The following SLC66A2 variants were observed in gnomAD, a reference collection of about 807,000 sequenced individuals.
SLC66A2 encodes the protein PQ loop repeat containing 1.
SLC66A2 carries 23 observed loss-of-function variants against 25.5 expected under a neutral mutation model. The observed-to-expected ratio is 0.90, with a 90% CI of 0.65 to 1.28. The LOEUF is 1.28. SLC66A2 is among the 50% of genes most tolerant of loss of function. The pLI, the probability that SLC66A2 is intolerant of heterozygous loss-of-function variation, is 0.00. For synonymous variants in SLC66A2, 193 were observed against 166.5 expected (o/e 1.16, Z -1.23); for missense variants, 396 against 373.1 (o/e 1.06, Z -0.51).
At chr18:79,930,032 A>G (rs1986401532) in intron 4 of SLC66A2, among the ~76,000 whole-genome samples, 1 of 152,158 alleles carries the variant, frequency 6.6e-6, no homozygotes, top group Non-Finnish European at 1.5e-5. Flanking sequence ...AGCAGAAAAA[A>G]AAATTCAAGG....
chr18:79,938,699 T>C (rs185004483), intron 3 of SLC66A2, among the ~76,000 whole-genome samples: 8 of 152,314 alleles, frequency 5.3e-5, no homozygotes, highest in African/African-American at 1.7e-4. Flanking sequence ...TTTTTTAAGA[T>C]GGAGTCTCAC....
At chr18:79,924,346 A>C (rs1433373579) in intron 4 of SLC66A2, among the ~76,000 whole-genome samples, 1 of 152,198 alleles carries the variant, frequency 6.6e-6, no homozygotes, top group African/African-American at 2.4e-5. Context: ...ACCACACACT[A>C]ATGAGTCTGT....
At position 79,904,407 on chromosome 18, in the gene SLC66A2, C is replaced by T. The variant is rs1156799184; in HGVS notation, c.609-224G>A. Among the ~76,000 whole-genome samples the T allele has an allele frequency of 6.6e-6, 1 of 151,878 alleles. No homozygotes were observed. Among genetic ancestry groups the T allele is most frequent in the Non-Finnish European group, 1.5e-5 (1 of 67,886 alleles). ...GGGTGACCCAGGGGTCAGGGACACC[C>T]CAGGGGGCCAAAGGACACACCCTGA... On this transcript the variant is annotated intron_variant, in intron 5 of 5. Transcript: ENST00000397778. This position sits in a 1 kb window ranked among gnomAD's most constrained non-coding sequence, Gnocchi z 6.3.
intron 4 of SLC66A2, among the ~76,000 whole-genome samples, chr18:79,929,207 C>A (rs1322297341): frequency 2.6e-5 from 4 of 152,204 alleles, no homozygotes; most frequent in African/African-American, 9.7e-5. Flanking sequence ...AGAACCACCA[C>A]CAAACACTGG....
chr18:79,933,984 T>C lies in SLC66A2; in HGVS notation c.376A>G (p.Arg126Gly), dbSNP rs768315049. The change falls in exon 4 of 6, where the codon AGG becomes GGG. Residue 126 changes from arginine to glycine, a missense_variant. Coordinates refer to ENST00000397778, the MANE Select transcript of SLC66A2 (RefSeq NM_025078.5). Reference protein sequence around the residue: ...SKDEEVKVAPRRSFLDFDPHH... With the variant: ...SKDEEVKVAPGRSFLDFDPHH... ...GGGTACATACCCAGGAAGGACCGCC[T>C]GGGGGCAACCTTGACTTCTTCATCC... 1.2e-6 allele frequency: 2 copies of C among 1,612,640 alleles called. No individual in the cohort carries two copies. Among genetic ancestry groups the C allele is most frequent in the Non-Finnish European group, 1.7e-6 (2 of 1,179,734 alleles).
chr18:79,939,804 GAAGATGGTGTGGTGATTCCTCA>G (rs1255184238), intron 3 of SLC66A2, among the ~76,000 whole-genome samples: 1 of 152,186 alleles, frequency 6.6e-6, no homozygotes, highest in Non-Finnish European at 1.5e-5. Context: ...AACCATTGCA[GAAGATGGTGTGGTGATTCCTCA>G]AAGACCAGAA....
chr18:79,923,234 G>GA, intron 4 of SLC66A2, among the ~76,000 whole-genome samples: 1 of 127,124 alleles, frequency 7.9e-6, no homozygotes, highest in Non-Finnish European at 1.7e-5. Context: ...GGTGGATGGG[G>GA]GGGGGCCGTG....
intron 5 of SLC66A2, among the ~76,000 whole-genome samples, chr18:79,912,696 T>C (rs1233119057): frequency 3.3e-5 from 5 of 152,256 alleles, no homozygotes; most frequent in Admixed American, 3.3e-4. Flanking sequence ...TGTTCTGGAA[T>C]TAGACCGTGG....
intron 4 of SLC66A2, among the ~76,000 whole-genome samples, chr18:79,929,723 C>T (rs561713568): frequency 6.6e-6 from 1 of 152,016 alleles, no homozygotes; most frequent in Non-Finnish European, 1.5e-5. Flanking sequence ...ATGACAACAA[C>T]TGATCACATA....
At chr18:79,923,207 G>A (rs1170856933) in intron 4 of SLC66A2, among the ~76,000 whole-genome samples, 2 of 136,456 alleles carry the variant, frequency 1.5e-5, no homozygotes, top group Non-Finnish European at 3.2e-5. Context: ...GGACAGGGGG[G>A]CTGTGGACGG....
chr18:79,903,498 G>A lies in SLC66A2; in HGVS notation c.*478C>T, dbSNP rs368217228. On this transcript the variant is annotated 3_prime_UTR_variant, in exon 6 of 6. Coordinates refer to ENST00000397778, the MANE Select transcript of SLC66A2 (RefSeq NM_025078.5). ...AGCCCTCCCCCGTGCCAGACCCCTGGGTAGCAGAGGCCACCCCAGTCCAAG... is the reference window on the plus strand; with the variant it reads ...AGCCCTCCCCCGTGCCAGACCCCTGAGTAGCAGAGGCCACCCCAGTCCAAG... 1 of 164,134 alleles carries A rather than the reference G, an allele frequency of 6.1e-6. No individual in the cohort carries two copies. The highest frequency in any genetic ancestry group is 1.7e-4 in the South Asian group (1 of 5,898). 10.2% of individuals were successfully genotyped at this position (164,134 alleles called of 1,614,324 possible). A position where few individuals can be genotyped will look rare whatever the true frequency, so the allele number is the denominator to read the frequency against.
At chr18:79,923,694 C>T (rs1355112931) in intron 4 of SLC66A2, among the ~76,000 whole-genome samples, 1 of 152,098 alleles carries the variant, frequency 6.6e-6, no homozygotes, top group Non-Finnish European at 1.5e-5. Flanking sequence ...GAATTTTTAG[C>T]TGTAAAACCA....
At chr18:79,919,125 C>A in intron 5 of SLC66A2, 59 bp downstream of exon 5, 1 of 1,457,116 alleles carries the variant, frequency 6.9e-7, no homozygotes, top group Non-Finnish European at 9.6e-7. Flanking sequence ...TTTACCAAAT[C>A]TGCAGCCATG....
rs1568305404 is a variant in SLC66A2 at position 79,918,430 on chromosome 18, TCCC to T, written c.608+751_608+753del. ...AGTGAGGAGCGGGCCCGGGGGGGGG[TCCC>T]CAGTGAGGAGCGGGCACCGGGGAGG... On this transcript the variant is annotated intron_variant, in intron 5 of 5. Transcript: ENST00000397778. The surrounding 1 kb of genome is among the most constrained non-coding windows in gnomAD (Gnocchi z 4.0). Among the ~76,000 whole-genome samples the T allele has an allele frequency of 1.2e-5, 1 of 83,318 alleles. No individual in the cohort carries two copies. The highest frequency in any genetic ancestry group is 2.8e-5 in the Non-Finnish European group (1 of 36,308). The allele number at this position is 83,318 out of a possible 152,430, so 54.7% of individuals were successfully genotyped here.
rs925059557 is a variant in SLC66A2, at chr18:79,917,852, G to A, written c.608+1332C>T. ...TGCACCCCACACCACACCCCAACCT[G>A]TACCTACCTCACACCATGCCAGCAC... is the stretch of plus-strand genomic sequence containing the variant. On this transcript the variant is annotated intron_variant, in intron 5 of 5. Transcript: ENST00000397778. The surrounding 1 kb of genome is among the most constrained non-coding windows in gnomAD (Gnocchi z 6.0). 1.3e-5 allele frequency among the ~76,000 whole-genome samples: 2 copies of A among 150,188 alleles called. No individual in the cohort carries two copies. Among genetic ancestry groups the A allele is most frequent in the African/African-American group, 2.5e-5 (1 of 40,678 alleles).
chr18:79,919,076 A>T (rs1984646817), intron 5 of SLC66A2, 108 bp downstream of exon 5: 1 of 1,003,512 alleles, frequency 1.0e-6, no homozygotes, highest in South Asian at 1.5e-5. Context: ...TCACAGGTCA[A>T]CGTGGGAAAT....
At chr18:79,924,211 C>A (rs1385453027) in intron 4 of SLC66A2, among the ~76,000 whole-genome samples, 1 of 152,086 alleles carries the variant, frequency 6.6e-6, no homozygotes, top group Non-Finnish European at 1.5e-5. Flanking sequence ...GGGCAGATTT[C>A]CAAACAGAAC....
intron 5 of SLC66A2, among the ~76,000 whole-genome samples, chr18:79,908,653 C>A (rs1420629366): frequency 1.3e-5 from 2 of 152,094 alleles, no homozygotes; most frequent in African/African-American, 4.8e-5. Flanking sequence ...GAATATTAGA[C>A]CCTTTGGAAT....
Position 79,902,859 on chromosome 18 carries a change from A to ACAAGGGT in SLC66A2, c.*1110_*1116dup. ...CGGGGTGGGGGCAGAGCGTGCGGTG[A>ACAAGGGT]CAAGGGTCAGACTGGCGGCTCCCAC... On this transcript the variant is annotated 3_prime_UTR_variant, in exon 6 of 6. Coordinates refer to ENST00000397778, the MANE Select transcript of SLC66A2 (RefSeq NM_025078.5). 1 of 152,956 alleles carries ACAAGGGT rather than the reference A, an allele frequency of 6.5e-6. No individual in the cohort carries two copies. The highest frequency in any genetic ancestry group is 1.5e-5 in the Non-Finnish European group (1 of 68,654). 9.5% of individuals were successfully genotyped at this position (152,956 alleles called of 1,614,324 possible).
Sources: allele counts gnomAD v4.1 joint callset (sites outside exome capture counted in the v4.1 genomes callset), GRCh38; gene constraint gnomAD v4.1.1; non-coding constraint Gnocchi (gnomAD v3.1); transcripts MANE v1.5; gene names NCBI Gene and HGNC (gene_info 2026-07-23, HGNC 2026-07-21).